TOGARAM1: variants seen among roughly 807,000 people sequenced by gnomAD.
TOGARAM1 encodes TOG array regulator of axonemal microtubules 1.
A neutral mutation model predicts 166.6 loss-of-function variants in TOGARAM1; 100 were observed. The observed-to-expected ratio is 0.60, with a 90% CI of 0.51 to 0.71. The LOEUF is 0.71. Among genes scored for constraint, TOGARAM1 ranks in the 30% least tolerant of loss-of-function variants. TOGARAM1 has a pLI of 0.00. For missense variants in TOGARAM1, 2,029 were observed against 2,102.7 expected (o/e 0.96, Z 0.69); for synonymous variants, 758 against 763.8 (o/e 0.99, Z 0.13).
chr14:45,004,338 A>G lies in TOGARAM1; in HGVS notation c.2616A>G (p.Lys872=). Residue 872 remains lysine, a synonymous_variant, in exon 4 of 20, where the codon AAA becomes AAG. Transcript: ENST00000361462. ...PSPQKKLVSQ[K]SSDPTGRNHG... is the part of the protein sequence containing the mutation. ...CACAGAAGAAGCTTGTCAGCCAAAAATCGTCTGATCCTACGGGTAGAAATC... is the reference window on the plus strand; with the variant it reads ...CACAGAAGAAGCTTGTCAGCCAAAAGTCGTCTGATCCTACGGGTAGAAATC... 1 of 1,613,900 alleles carries G rather than the reference A, an allele frequency of 6.2e-7. No homozygotes were observed. The highest frequency in any genetic ancestry group is 8.5e-7 in the Non-Finnish European group (1 of 1,179,908).
chr14:45,062,690 T>C (rs113057944), intron 16 of TOGARAM1, among the ~76,000 whole-genome samples: 144 of 152,306 alleles, frequency 9.5e-4, no homozygotes, highest in African/African-American at 3.3e-3. Context: ...TAATATTCAA[T>C]AAATTATTCA....
In TOGARAM1 at chr14:45,027,330, A is replaced by C; in HGVS notation, c.3360A>C (p.Ala1120=). ...GVFGSLSSAP[A]TCSQSVISSV... ...TTGGAAGTTTAAGTTCAGCACCAGC[A>C]ACCTGCAGCCAATCAGTGATATCTT... The change falls in exon 9 of 20, where the codon GCA becomes GCC. Residue 1120 remains alanine, a synonymous_variant. Transcript: ENST00000361462. 1 of 1,613,460 alleles carries C rather than the reference A, an allele frequency of 6.2e-7. No homozygotes were observed. The highest frequency in any genetic ancestry group is 8.5e-7 in the Non-Finnish European group (1 of 1,179,834).
Position 44,963,166 on chromosome 14 carries a change from C to T in TOGARAM1, c.745C>T (p.Leu249Phe). The T allele has an allele frequency of 5.6e-6, 9 of 1,614,184 alleles. No individual in the cohort carries two copies. The highest frequency in any genetic ancestry group is 5.9e-6 in the Non-Finnish European group (7 of 1,180,028). Residue 249 changes from leucine (L) to phenylalanine (F), a missense_variant, in exon 1 of 20, where the codon CTT (leucine) becomes TTT (phenylalanine). This residue lies in a region of TOGARAM1 where 1,453 missense variants were observed against 1,432.2 expected (regional missense o/e 1.01). Coordinates refer to ENST00000361462, the MANE Select transcript of TOGARAM1 (RefSeq NM_001308120.2). ...PILLTTEDLLLGLDLTEVIIS... is the reference protein window; with the variant it reads ...PILLTTEDLLFGLDLTEVIIS... ...CTTGCTTACTACTGAGGACTTGTTGCTTGGTCTGGATCTCACCGAGGTGAT... is the reference window on the plus strand; with the variant it reads ...CTTGCTTACTACTGAGGACTTGTTGTTTGGTCTGGATCTCACCGAGGTGAT...
chr14:45,021,144 C>A (rs1880474628), intron 7 of TOGARAM1, among the ~76,000 whole-genome samples: 1 of 152,118 alleles, frequency 6.6e-6, no homozygotes, highest in Non-Finnish European at 1.5e-5. Context: ...TCTTGAACTC[C>A]ACGCCCATCA....
chr14:45,006,270 T>C lies in TOGARAM1; in HGVS notation c.2904+3T>C. On this transcript the variant is annotated splice_donor_region_variant and intron_variant, in intron 5 of 19. Coordinates refer to ENST00000361462, the MANE Select transcript of TOGARAM1 (RefSeq NM_001308120.2). ...ATAAAGATTTGGATCAAGAAGAGGT[T>C]AGAACCAAATATTTTTAATGACTTA... The C allele has an allele frequency of 6.4e-7, 1 of 1,573,314 alleles. No individual in the cohort carries two copies. Among genetic ancestry groups the C allele is most frequent in the Non-Finnish European group, 8.6e-7 (1 of 1,157,842 alleles).
rs183438783 is a variant in TOGARAM1, at chr14:45,018,975, T to C, written c.3239-6808T>C. 2.0e-4 allele frequency among the ~76,000 whole-genome samples: 30 copies of C among 152,364 alleles called. No homozygotes were observed. The East Asian group carries it at 5.6e-3, about 28-fold the overall frequency. On this transcript the variant is annotated intron_variant, in intron 7 of 19. Transcript: ENST00000361462. ...ACATCTTTTAGCCAGAAGTTAATTC[T>C]ACTCCATAAAATTACATCACATTCG...
intron 2 of TOGARAM1, chr14:44,997,166 TG>T (rs1369604274): frequency 2.0e-5 from 3 of 152,288 alleles, no homozygotes; most frequent in Non-Finnish European, 4.4e-5. Flanking sequence ...CCCAGCACTT[TG>T]GGGGCCAATG....
intron 1 of TOGARAM1, among the ~76,000 whole-genome samples, chr14:44,982,702 C>A (rs1223971165): frequency 6.6e-6 from 1 of 152,162 alleles, no homozygotes; most frequent in Non-Finnish European, 1.5e-5. Flanking sequence ...TATTCAGCAT[C>A]TGTCTTTTTA....
chr14:45,008,940 A>G lies in TOGARAM1; in HGVS notation c.2932A>G (p.Asn978Asp), dbSNP rs1879623917. Residue 978 changes from asparagine (N) to aspartate (D), a missense_variant, in exon 6 of 20, where the codon AAT becomes GAT. Asn to Asp is a conservative substitution (Grantham distance 23). Around this residue, in one of 2 missense-constraint regions of TOGARAM1, gnomAD observed 1,453 missense variants for 1,432.2 expected, o/e 1.01. Transcript: ENST00000361462. ...GCATAGCTCTCTTAGGTCCCTTCGT[A>G]ATAGTGCAGCTAAGAAAAGAGCAAA... ...EMHSSLRSLR[N>D]SAAKKRAKLS... 3 of 1,613,972 alleles carry G rather than the reference A, an allele frequency of 1.9e-6. No homozygotes were observed. Among genetic ancestry groups the G allele is most frequent in the Non-Finnish European group, 2.5e-6 (3 of 1,179,932 alleles).
chr14:45,029,109 A>G (rs1881022526), intron 10 of TOGARAM1, among the ~76,000 whole-genome samples: 1 of 152,174 alleles, frequency 6.6e-6, no homozygotes, highest in Non-Finnish European at 1.5e-5. Context: ...TGTATTTTCA[A>G]AGCTAATCAC....
intron 1 of TOGARAM1, among the ~76,000 whole-genome samples, chr14:44,977,969 A>T (rs1368416513): frequency 1.3e-5 from 2 of 152,202 alleles, no homozygotes. Flanking sequence ...TTTTGAAAAG[A>T]ACTGGGCAGC....
At chr14:45,045,626 T>TACATATATATACATATATAC (rs1881999258) in intron 13 of TOGARAM1, among the ~76,000 whole-genome samples, 3 of 115,304 alleles carry the variant, frequency 2.6e-5, no homozygotes, top group Non-Finnish European at 3.6e-5. Context: ...TGTATATATA[T>TACATATATATACATATATAC]GTATATATAT....
chr14:45,021,709 G>A (rs924815656), intron 7 of TOGARAM1, among the ~76,000 whole-genome samples: 5 of 152,132 alleles, frequency 3.3e-5, no homozygotes, highest in Admixed American at 6.5e-5. Flanking sequence ...ACCGGGTAGC[G>A]TCCTTCCCAG....
chr14:45,022,997 A>G (rs989361176), intron 7 of TOGARAM1: 1 of 152,068 alleles, frequency 6.6e-6, no homozygotes, highest in African/African-American at 2.4e-5. Context: ...GAGTCTGTAT[A>G]TATATATTTA....
chr14:45,052,133 G>A (rs1318635401), intron 14 of TOGARAM1, among the ~76,000 whole-genome samples: 1 of 152,158 alleles, frequency 6.6e-6, no homozygotes, highest in Non-Finnish European at 1.5e-5. Context: ...GTGTCATACT[G>A]CATATGACTA....
chr14:45,066,556 C>T, intron 16 of TOGARAM1, 22 bp from the exon 17 acceptor site: 1 of 1,552,896 alleles, frequency 6.4e-7, no homozygotes. Context: ...ATGAAATTAC[C>T]TTCACCTTTC....
intron 1 of TOGARAM1, among the ~76,000 whole-genome samples, chr14:44,969,150 C>CT (rs1555341662): frequency 1.3e-4 from 17 of 130,062 alleles, no homozygotes; most frequent in African/African-American, 5.2e-4. Context: ...TCCTTCCTTT[C>CT]TTTCTTTCTT....
chr14:44,962,935 C>T lies in TOGARAM1; in HGVS notation c.514C>T (p.Leu172Phe), dbSNP rs1158427904. Residue 172 changes from leucine to phenylalanine, a missense_variant, in exon 1 of 20, where the codon CTT becomes TTT. Leu to Phe is a conservative substitution (Grantham distance 22, BLOSUM62 0). This residue lies in a region of TOGARAM1 where 1,453 missense variants were observed against 1,432.2 expected (regional missense o/e 1.01). Transcript: ENST00000361462. ...VLRGQGEAGQ[L>F]EEAFSLALLP... ...CCGGGGTCAGGGGGAGGCAGGCCAG[C>T]TTGAAGAGGCCTTTAGCTTAGCACT... The T allele has an allele frequency of 3.1e-6, 5 of 1,614,220 alleles. No individual in the cohort carries two copies. Among genetic ancestry groups the T allele is most frequent in the Admixed American group, 1.7e-5 (1 of 60,030 alleles).
intron 1 of TOGARAM1, among the ~76,000 whole-genome samples, chr14:44,976,289 T>C (rs994953495): frequency 6.6e-6 from 1 of 152,204 alleles, no homozygotes; most frequent in African/African-American, 2.4e-5. Flanking sequence ...GCCTTACATA[T>C]GCTGGTCATT....
Sources: allele counts gnomAD v4.1 joint callset (sites outside exome capture counted in the v4.1 genomes callset), GRCh38; gene constraint gnomAD v4.1.1; regional missense constraint gnomAD v4.1.1; transcripts MANE v1.5; gene names NCBI Gene and HGNC (gene_info 2026-07-23, HGNC 2026-07-21).